The following CDC42BPA variants were observed in gnomAD, a reference collection of about 807,000 sequenced individuals.
CDC42BPA encodes CDC42 binding protein kinase alpha.
CDC42BPA carries 80 observed loss-of-function variants against 223.5 expected under a neutral mutation model. The ratio of observed to expected loss-of-function variants is 0.36; its 90% CI spans 0.30 to 0.43. The LOEUF (loss-of-function observed/expected upper bound fraction) is 0.43, where lower values mean the gene tolerates loss of function less well. CDC42BPA is among the 20% of genes least tolerant of loss of function. The pLI, the probability that CDC42BPA is intolerant of heterozygous loss-of-function variation, is 1.00. For missense variants in CDC42BPA, 1,743 were observed against 2,099.9 expected, an observed-to-expected ratio of 0.83 and a Z score of 3.32; for synonymous variants, 694 against 718.6, an observed-to-expected ratio of 0.97 and a Z score of 0.55.
chr1:227,098,244 A>T (rs998711130), intron 15 of CDC42BPA, among the ~76,000 whole-genome samples: 12 of 151,210 alleles, frequency 7.9e-5, no homozygotes, highest in African/African-American at 2.9e-4. Flanking sequence ...CAAAAATTGG[A>T]GTACCCCAAG....
At chr1:227,067,342 T>C (rs16846919) in intron 21 of CDC42BPA, among the ~76,000 whole-genome samples, 43,053 of 151,874 alleles carry the variant, frequency 0.28, 6,311 homozygotes, top group African/African-American at 0.35. Flanking sequence ...CATACTGCTC[T>C]TAGGTTTTAC....
rs1572350443 is a variant in CDC42BPA, at chr1:227,028,694, T to C, written c.4395A>G (p.Gln1465=). The C allele has an allele frequency of 2.5e-6, 4 of 1,592,548 alleles. No individual in the cohort carries two copies. Among genetic ancestry groups the C allele is most frequent in the Non-Finnish European group, 3.4e-6 (4 of 1,165,880 alleles). ...YTDCQGRRSR[Q]QELMWPANPS... ...GATTTGCTGGCCACATCAATTCCTG[T>C]TGTCTAGATCTTCGGCCCTGGCAGT... The change falls in exon 30 of 37, where the codon CAA becomes CAG. Residue 1465 remains glutamine, a synonymous_variant. Coordinates refer to ENST00000366766, the MANE Select transcript of CDC42BPA (RefSeq NM_001394014.1).
intron 1 of CDC42BPA, among the ~76,000 whole-genome samples, chr1:227,255,176 CCT>C (rs1434727409): frequency 6.6e-6 from 1 of 152,100 alleles, no homozygotes; most frequent in Non-Finnish European, 1.5e-5. Flanking sequence ...TCCTCAGGTC[CCT>C]CTTTATTCTA....
At chr1:226,996,830 G>A (rs2148248618) in intron 35 of CDC42BPA, among the ~76,000 whole-genome samples, 1 of 152,306 alleles carries the variant, frequency 6.6e-6, no homozygotes, top group Admixed American at 6.5e-5. Context: ...TGGTGGATAA[G>A]CTTTTTGATG....
chr1:227,177,502 C>T lies in CDC42BPA; in HGVS notation c.599+16284G>A, dbSNP rs569207248. 1.4e-4 allele frequency among the ~76,000 whole-genome samples: 21 copies of T among 151,918 alleles called. No homozygotes were observed. The East Asian group carries it at 3.9e-3, about 28-fold the overall frequency. ...TTCCCTGTATGTGATATACTGTTTT[C>T]CTCTGGTGCTTTCAAGACTTTTTCT... On this transcript the variant is annotated intron_variant, in intron 5 of 36. Coordinates refer to ENST00000366766, the MANE Select transcript of CDC42BPA (RefSeq NM_001394014.1).
intron 6 of CDC42BPA, among the ~76,000 whole-genome samples, chr1:227,158,770 T>C (rs1344824976): frequency 6.6e-6 from 1 of 152,174 alleles, no homozygotes; most frequent in Non-Finnish European, 1.5e-5. Context: ...TGTTTTCAAA[T>C]GCTATCATCT....
rs1427242987 is a variant in CDC42BPA, at chr1:227,112,687, T to C, written c.1874A>G (p.Glu625Gly). 1 of 1,613,930 alleles carries C rather than the reference T, an allele frequency of 6.2e-7. No individual in the cohort carries two copies. The highest frequency in any genetic ancestry group is 2.2e-5 in the East Asian group (1 of 44,884). Residue 625 changes from glutamate to glycine, a missense_variant, in exon 13 of 37, where the codon GAA becomes GGA. Physicochemically the swap from Glu to Gly is moderately conservative, Grantham distance 98. Around this residue, in one of 6 missense-constraint regions of CDC42BPA, gnomAD observed 464 missense variants for 488.0 expected, o/e 0.95. Transcript: ENST00000366766. Reference protein sequence around the residue: ...ESLRQELRRTERAKKELEVHT... With the variant: ...ESLRQELRRTGRAKKELEVHT... Reference sequence around the variant, plus strand: ...ACTACTAACCTCTTTTTTGGCTCTTTCTGTTCTGCGCAGTTCTTGCCTTAA... The same window carrying C: ...ACTACTAACCTCTTTTTTGGCTCTTCCTGTTCTGCGCAGTTCTTGCCTTAA...
intron 1 of CDC42BPA, among the ~76,000 whole-genome samples, chr1:227,292,435 C>T (rs1015349597): frequency 6.6e-6 from 1 of 152,152 alleles, no homozygotes; most frequent in African/African-American, 2.4e-5. Context: ...AGATAGGTAT[C>T]ATAATGATTA....
At chr1:227,017,614 G>C (rs1345928122) in intron 32 of CDC42BPA, among the ~76,000 whole-genome samples, 1 of 152,142 alleles carries the variant, frequency 6.6e-6, no homozygotes, top group East Asian at 1.9e-4. Context: ...TAAAAGGTAA[G>C]AATCTGTCGC....
At chr1:227,004,678 T>C (rs964271576) in intron 35 of CDC42BPA, 7 of 352,610 alleles carry the variant, frequency 2.0e-5, no homozygotes, top group Non-Finnish European at 3.3e-5. Flanking sequence ...TAGGGATTCA[T>C]CCCTAACAGC....
At chr1:227,026,203 C>A in intron 30 of CDC42BPA, 51 bp from the exon 31 acceptor site, 1 of 968,836 alleles carries the variant, frequency 1.0e-6, no homozygotes, top group Non-Finnish European at 1.6e-6. Flanking sequence ...AACTATTAAA[C>A]CCCAAATATT....
At chr1:227,182,496 A>C (rs569020694) in intron 5 of CDC42BPA, among the ~76,000 whole-genome samples, 1 of 152,330 alleles carries the variant, frequency 6.6e-6, no homozygotes, top group Admixed American at 6.5e-5. Context: ...TAATAGGCTC[A>C]CAGGAAATTG....
At chr1:227,008,427 A>C (rs1664518347) in intron 34 of CDC42BPA, among the ~76,000 whole-genome samples, 1 of 152,224 alleles carries the variant, frequency 6.6e-6, no homozygotes, top group South Asian at 2.1e-4. Context: ...ACAAATACTT[A>C]AGGCTTTTGA....
chr1:226,994,165 TG>T lies in CDC42BPA; in HGVS notation c.*102del. 1 of 1,156,872 alleles carries T rather than the reference TG, an allele frequency of 8.6e-7. No homozygotes were observed. Among genetic ancestry groups the T allele is most frequent in the Admixed American group, 2.3e-5 (1 of 43,102 alleles). The allele number at this position is 1,156,872 out of a possible 1,614,324, so 71.7% of individuals were successfully genotyped here. ...CTGTCCTGCTACTGCTGCCAGCCCC[TG>T]GTGGCTTTCAGGCCGAGCAGGCGAG... On this transcript the variant is annotated 3_prime_UTR_variant, in exon 37 of 37. Transcript: ENST00000366766. This position sits in a 1 kb window ranked among gnomAD's most constrained non-coding sequence, Gnocchi z 4.0.
rs969429871 is a variant in CDC42BPA, at chr1:227,060,610, A to G, written c.2905-8625T>C. Among the ~76,000 whole-genome samples the G allele has an allele frequency of 2.0e-5, 3 of 152,256 alleles. No homozygotes were observed. In the South Asian group the frequency reaches 6.2e-4, roughly 32 times the overall value. On this transcript the variant is annotated intron_variant, in intron 21 of 36. Transcript: ENST00000366766. ...GAGGGAACTTATAGACTAGGTCTAC[A>G]GGAGTTATAGAAGATTTAAGAAAAA...
At chr1:227,247,565 A>G (rs760515714) in intron 2 of CDC42BPA, among the ~76,000 whole-genome samples, 1 of 151,984 alleles carries the variant, frequency 6.6e-6, no homozygotes, top group African/African-American at 2.4e-5. Flanking sequence ...TTGGGATTCT[A>G]TAAGATAAAT....
intron 11 of CDC42BPA, among the ~76,000 whole-genome samples, chr1:227,120,423 T>G (rs1473851575): frequency 1.3e-5 from 2 of 152,170 alleles, no homozygotes; most frequent in Non-Finnish European, 1.5e-5. Flanking sequence ...AGAGCAAATA[T>G]CTGAAAAACT....
intron 4 of CDC42BPA, among the ~76,000 whole-genome samples, chr1:227,194,835 GA>G (rs1208428421): frequency 6.6e-6 from 1 of 152,126 alleles, no homozygotes; most frequent in Non-Finnish European, 1.5e-5. Context: ...AGTGGATGTT[GA>G]AAAATTAATC....
intron 2 of CDC42BPA, among the ~76,000 whole-genome samples, chr1:227,253,625 T>C (rs1207507071): frequency 6.7e-6 from 1 of 149,618 alleles, no homozygotes; most frequent in African/African-American, 2.5e-5. Context: ...CATACATACA[T>C]ACATACATAC....
Sources: gnomAD v4.1 joint callset for allele counts (sites outside exome capture counted in the v4.1 genomes callset) on GRCh38, gnomAD v4.1.1 for gene constraint, gnomAD v4.1.1 regional missense constraint, Gnocchi (gnomAD v3.1) non-coding constraint, MANE v1.5 for transcripts, NCBI Gene and HGNC (gene_info 2026-07-23, HGNC 2026-07-21) for gene names.